Variants in STAG1 observed in about 807,000 individuals in gnomAD.
STAG1 encodes the protein cohesin subunit SA-1.
In STAG1, 26 loss-of-function variants were observed where a neutral mutation model predicts 170.9. That is an observed-to-expected ratio of 0.15 (90% CI 0.11 to 0.21). The LOEUF (loss-of-function observed/expected upper bound fraction) is 0.21. Among genes scored for constraint, STAG1 ranks in the 10% least tolerant of loss-of-function variants. STAG1 has a pLI of 1.00. For missense variants in STAG1, 964 were observed against 1,509.5 expected, an observed-to-expected ratio of 0.64 and a Z score of 5.99; for synonymous variants, 514 against 497.7, an observed-to-expected ratio of 1.03 and a Z score of -0.44.
chr3:136,719,429 T>C (rs186811379), intron 1 of STAG1, among the ~76,000 whole-genome samples: 174 of 152,140 alleles, frequency 1.1e-3, no homozygotes, highest in Middle Eastern at 3.4e-3. Flanking sequence ...TTAGGTAGTG[T>C]TGGCTACATA....
At chr3:136,649,503 C>CAAAAAAAAAAAAA (rs761067087) in intron 1 of STAG1, among the ~76,000 whole-genome samples, 35 of 70,682 alleles carry the variant, frequency 5.0e-4, no homozygotes, top group East Asian at 1.1e-3. Flanking sequence ...AAAACAGAAA[C>CAAAAAAAAAAAAA]AAAAAAAAAA....
chr3:136,500,147 A>G, intron 9 of STAG1, 76 bp downstream of exon 9: 2 of 937,024 alleles, frequency 2.1e-6, no homozygotes, highest in East Asian at 2.6e-5. Flanking sequence ...TGAGTTTTAC[A>G]GTTAGCCTGG....
At chr3:136,530,972 A>G (rs1935338296) in intron 6 of STAG1, among the ~76,000 whole-genome samples, 1 of 151,996 alleles carries the variant, frequency 6.6e-6, no homozygotes, top group African/African-American at 2.4e-5. Flanking sequence ...GGGTGTGGTC[A>G]TGGGCGCCTG....
At chr3:136,728,846 T>TAA (rs979055860) in intron 1 of STAG1, among the ~76,000 whole-genome samples, 26 of 152,206 alleles carry the variant, frequency 1.7e-4, no homozygotes, top group African/African-American at 5.8e-4. Flanking sequence ...AAGTGCTTAG[T>TAA]AAAAAGCACT....
chr3:136,421,269 A>G (rs2087950204), intron 19 of STAG1, 106 bp from the exon 20 acceptor site: 3 of 546,396 alleles, frequency 5.5e-6, no homozygotes, highest in African/African-American at 2.0e-5. Context: ...AATAGTATAT[A>G]TTCATTGTAG....
chr3:136,466,483 C>CCAAG (rs2089464198), intron 12 of STAG1, among the ~76,000 whole-genome samples: 1 of 152,148 alleles, frequency 6.6e-6, no homozygotes, highest in South Asian at 2.1e-4. Context: ...AACAAAGCCT[C>CCAAG]CAAGAAATAT....
At chr3:136,532,893 A>G (rs1341770555) in intron 6 of STAG1, among the ~76,000 whole-genome samples, 1 of 152,222 alleles carries the variant, frequency 6.6e-6, no homozygotes, top group African/African-American at 2.4e-5. Context: ...GTCTTATTCA[A>G]CATGGTACTG....
intron 1 of STAG1, among the ~76,000 whole-genome samples, chr3:136,670,517 G>A (rs1319837621): frequency 6.6e-6 from 1 of 152,164 alleles, no homozygotes; most frequent in Non-Finnish European, 1.5e-5. Flanking sequence ...ATCTCACTCT[G>A]TCGCCCAGGC....
intron 3 of STAG1, among the ~76,000 whole-genome samples, chr3:136,617,908 T>C (rs1258795244): frequency 6.6e-6 from 1 of 152,244 alleles, no homozygotes; most frequent in Non-Finnish European, 1.5e-5. Flanking sequence ...CAAATAATTT[T>C]AAAGATCCAA....
At chr3:136,599,411 G>A (rs985589415) in intron 4 of STAG1, among the ~76,000 whole-genome samples, 3 of 152,038 alleles carry the variant, frequency 2.0e-5, no homozygotes, top group African/African-American at 7.2e-5. Flanking sequence ...TGTGCCTGTA[G>A]TCCCAGCTAC....
intron 10 of STAG1, among the ~76,000 whole-genome samples, chr3:136,474,401 T>C (rs2089695308): frequency 6.6e-6 from 1 of 152,206 alleles, no homozygotes. Flanking sequence ...ATGTTAAGTA[T>C]ATTATTAATC....
intron 1 of STAG1, among the ~76,000 whole-genome samples, chr3:136,703,718 C>T (rs748127449): frequency 7.9e-5 from 12 of 151,992 alleles, no homozygotes; most frequent in Non-Finnish European, 1.5e-4. Flanking sequence ...AATTAAAAAA[C>T]GTAGACTGGG....
At chr3:136,431,824 CTT>C (rs34732743) in intron 16 of STAG1, among the ~76,000 whole-genome samples, 21,425 of 152,142 alleles carry the variant, frequency 0.14, 1,896 homozygotes, top group East Asian at 0.25. Flanking sequence ...TTGTTGATCT[CTT>C]GTTGCTTTCA....
intron 10 of STAG1, among the ~76,000 whole-genome samples, 188 bp from the exon 11 acceptor site, chr3:136,473,825 G>C (rs2089681553): frequency 6.6e-6 from 1 of 151,634 alleles, no homozygotes; most frequent in Non-Finnish European, 1.5e-5. Context: ...AAAATTCACT[G>C]AAAAGACCTT....
chr3:136,377,062 C>T (rs927117062), intron 23 of STAG1, among the ~76,000 whole-genome samples: 3 of 149,110 alleles, frequency 2.0e-5, no homozygotes, highest in African/African-American at 7.4e-5. Flanking sequence ...CAGGCGTGAG[C>T]CACTGCGCCC....
At chr3:136,521,574 T>C (rs1335899765) in intron 6 of STAG1, among the ~76,000 whole-genome samples, 157 bp from the exon 7 acceptor site, 1 of 152,182 alleles carries the variant, frequency 6.6e-6, no homozygotes, top group Admixed American at 6.6e-5. Context: ...TTATTTCTCT[T>C]TGATTTTGAT....
In STAG1 at chr3:136,338,207, C is replaced by G. The variant is rs767112064; in HGVS notation, c.*47G>C. 2 of 1,396,280 alleles carry G rather than the reference C, an allele frequency of 1.4e-6. No homozygotes were observed. The highest frequency in any genetic ancestry group is 2.3e-5 in the East Asian group (1 of 43,788). 86.5% of individuals were successfully genotyped at this position (1,396,280 alleles called of 1,614,324 possible). On this transcript the variant is annotated 3_prime_UTR_variant, in exon 34 of 34. Transcript: ENST00000383202. ...ACAAGCTATCACAGTATATAGGCCT[C>G]TAGCTCTAAATAATAGAGTTCCAGA...
At chr3:136,580,740 A>G (rs1445220290) in intron 4 of STAG1, among the ~76,000 whole-genome samples, 1 of 150,184 alleles carries the variant, frequency 6.7e-6, no homozygotes. Flanking sequence ...TCACCTTGTT[A>G]GCCAGGATGG....
chr3:136,585,403 C>T (rs1307192248), intron 4 of STAG1, among the ~76,000 whole-genome samples: 2 of 152,260 alleles, frequency 1.3e-5, no homozygotes, highest in East Asian at 3.9e-4. Flanking sequence ...GATCACGCCG[C>T]TGCACTACAG....
Sources: allele counts gnomAD v4.1 joint callset (sites outside exome capture counted in the v4.1 genomes callset), GRCh38; gene constraint gnomAD v4.1.1; transcripts MANE v1.5; gene names NCBI Gene and HGNC (gene_info 2026-07-23, HGNC 2026-07-21).